Variants in SOS2 observed in about 807,000 individuals in gnomAD.
SOS2 encodes the protein SOS Ras/Rho guanine nucleotide exchange factor 2.
A neutral mutation model predicts 148.2 loss-of-function variants in SOS2; 65 were observed. That is an observed-to-expected ratio of 0.44 (90% CI 0.36 to 0.54). The LOEUF is 0.54. SOS2 is among the 20% of genes least tolerant of loss of function. The pLI is 0.00. For missense variants in SOS2, 1,341 were observed against 1,590.2 expected (o/e 0.84, Z 2.67); for synonymous variants, 539 against 537.1 (o/e 1.00, Z -0.05).
intron 1 of SOS2, among the ~76,000 whole-genome samples, chr14:50,218,535 CA>C (rs1480035872): frequency 6.6e-6 from 1 of 150,822 alleles, no homozygotes; most frequent in Non-Finnish European, 1.5e-5. Context: ...CAAAAAAAAA[CA>C]AAAACAAAAA....
intron 1 of SOS2, chr14:50,215,530 CCA>C: frequency 4.2e-6 from 5 of 1,188,658 alleles, no homozygotes; most frequent in Non-Finnish European, 5.4e-6. Flanking sequence ...AAAATAATTT[CCA>C]GTCTTTAACA....
At chr14:50,150,672 C>T (rs1251557625) in intron 13 of SOS2, among the ~76,000 whole-genome samples, 1 of 151,934 alleles carries the variant, frequency 6.6e-6, no homozygotes, top group Non-Finnish European at 1.5e-5. Context: ...AGTGATCCTC[C>T]CACCTCAGCC....
chr14:50,174,392 A>G, intron 8 of SOS2, 62 bp downstream of exon 8: 1 of 811,264 alleles, frequency 1.2e-6, no homozygotes, highest in Non-Finnish European at 1.9e-6. Flanking sequence ...CTCCAAAATT[A>G]ATTTTAAAAA....
At chr14:50,202,703 C>G (rs1241817299) in intron 2 of SOS2, among the ~76,000 whole-genome samples, 1 of 150,530 alleles carries the variant, frequency 6.6e-6, no homozygotes, top group Non-Finnish European at 1.5e-5. Flanking sequence ...TCACTACACC[C>G]TAGTCTGGGT....
intron 1 of SOS2, among the ~76,000 whole-genome samples, chr14:50,214,083 T>C (rs998219001): frequency 4.2e-5 from 6 of 142,702 alleles, no homozygotes; most frequent in African/African-American, 1.5e-4. Context: ...GAAAATTTTG[T>C]GTTTAAGGGG....
chr14:50,214,045 A>G (rs901752982), intron 1 of SOS2, among the ~76,000 whole-genome samples: 2 of 152,182 alleles, frequency 1.3e-5, no homozygotes, highest in Non-Finnish European at 2.9e-5. Context: ...TCACTTTGAA[A>G]AGTTAAAATG....
intron 2 of SOS2, among the ~76,000 whole-genome samples, chr14:50,203,088 G>T (rs1183150873): frequency 1.3e-5 from 2 of 152,038 alleles, no homozygotes; most frequent in Non-Finnish European, 2.9e-5. Context: ...GGGCCCAGGA[G>T]TTCAAGGCTA....
rs1435577590 is a variant in SOS2, at chr14:50,180,701, A to G, written c.859-19T>C. On this transcript the variant is annotated intron_variant, in intron 6 of 22. Coordinates refer to ENST00000216373, the MANE Select transcript of SOS2 (RefSeq NM_006939.4). ...CTTGCTCCTATTTTTTTAAAAAGAG[A>G]AAAAGCATTAGGTTTAAAAGAATAT... 2.3e-6 allele frequency: 3 copies of G among 1,323,156 alleles called. No individual in the cohort carries two copies. In the Admixed American group the frequency reaches 5.7e-5, roughly 25 times the overall value. 82.0% of individuals were successfully genotyped at this position (1,323,156 alleles called of 1,614,324 possible).
chr14:50,190,396 G>A (rs7152773), intron 4 of SOS2, among the ~76,000 whole-genome samples: 43,911 of 151,974 alleles, frequency 0.29, 6,590 homozygotes, highest in Admixed American at 0.4. Context: ...TGTACCACAT[G>A]TTGGTAAAAT....
intron 4 of SOS2, among the ~76,000 whole-genome samples, chr14:50,189,808 T>C (rs1886064378): frequency 6.6e-6 from 1 of 151,938 alleles, no homozygotes; most frequent in Admixed American, 6.6e-5. Context: ...GAACTAGCTA[T>C]AAATCAAAGT....
At chr14:50,216,506 C>G (rs1887043556) in intron 1 of SOS2, among the ~76,000 whole-genome samples, 3 of 152,014 alleles carry the variant, frequency 2.0e-5, no homozygotes, top group Non-Finnish European at 1.5e-5. Flanking sequence ...CACCTGTAAT[C>G]CCAGCACTTT....
intron 21 of SOS2, among the ~76,000 whole-genome samples, chr14:50,126,079 TC>T (rs1883671665): frequency 6.6e-6 from 1 of 151,742 alleles, no homozygotes; most frequent in Non-Finnish European, 1.5e-5. Flanking sequence ...ATACAGCACT[TC>T]CCATCAGTTT....
intron 3 of SOS2, 82 bp downstream of exon 3, chr14:50,200,871 A>G (rs558904366): frequency 7.6e-7 from 1 of 1,310,788 alleles, no homozygotes; most frequent in South Asian, 1.3e-5. Context: ...AGACCATGCT[A>G]CATTAATGCT....
intron 1 of SOS2, among the ~76,000 whole-genome samples, chr14:50,211,479 T>C (rs916783797): frequency 2.0e-5 from 3 of 152,192 alleles, no homozygotes; most frequent in Non-Finnish European, 2.9e-5. Context: ...CCGGTGTCTG[T>C]TGTTAACATC....
At chr14:50,215,358 A>C in intron 1 of SOS2, 3 of 1,264,944 alleles carry the variant, frequency 2.4e-6, no homozygotes, top group Non-Finnish European at 2.0e-6. Flanking sequence ...ATAAACACAC[A>C]ATGTTAAAAT....
intron 16 of SOS2, among the ~76,000 whole-genome samples, chr14:50,143,047 C>T (rs1376392314): frequency 6.6e-6 from 1 of 151,938 alleles, no homozygotes; most frequent in African/African-American, 2.4e-5. Context: ...GATAAAACGT[C>T]CTTATGTCAA....
intron 7 of SOS2, among the ~76,000 whole-genome samples, chr14:50,174,794 A>C (rs1158698976): frequency 6.6e-5 from 10 of 152,358 alleles, no homozygotes; most frequent in African/African-American, 2.4e-4. Flanking sequence ...AGCTTTCACA[A>C]TAATCCTCTA....
intron 22 of SOS2, among the ~76,000 whole-genome samples, chr14:50,119,537 A>G (rs941151448): frequency 6.6e-6 from 1 of 150,622 alleles, no homozygotes; most frequent in African/African-American, 2.4e-5. Flanking sequence ...TTTTATTTTT[A>G]TTTTTAGTTT....
intron 13 of SOS2, among the ~76,000 whole-genome samples, chr14:50,151,565 T>C (rs1566828225): frequency 6.6e-6 from 1 of 152,230 alleles, no homozygotes; most frequent in African/African-American, 2.4e-5. Flanking sequence ...AAAATAAACT[T>C]TTCCTCATGA....
Sources: gnomAD v4.1 joint callset for allele counts (sites outside exome capture counted in the v4.1 genomes callset) on GRCh38, gnomAD v4.1.1 for gene constraint, MANE v1.5 for transcripts, NCBI Gene and HGNC (gene_info 2026-07-23, HGNC 2026-07-21) for gene names.